PSG1: variants seen among roughly 807,000 people sequenced by gnomAD.
The protein encoded by PSG1 is pregnancy specific beta-1-glycoprotein 1.
Under a neutral mutation model 41.4 loss-of-function variants are expected in PSG1, and 60 were observed. The ratio of observed to expected loss-of-function variants is 1.45; its 90% CI spans 1.18 to 1.80. PSG1 has a LOEUF of 1.80. PSG1 is among the 40% of genes most tolerant of loss of function. The probability of loss-of-function intolerance (pLI) is 0.00; values close to 1 mark genes in which losing one functional copy is unlikely to be tolerated. For missense variants in PSG1, 806 were observed against 516.9 expected (o/e 1.56, Z -5.42); for synonymous variants, 256 against 192.9 (o/e 1.33, Z -2.71).
chr19:42,877,197 G>T (rs1427701702), intron 2 of PSG1, among the ~76,000 whole-genome samples: 2 of 151,570 alleles, frequency 1.3e-5, no homozygotes, highest in African/African-American at 4.9e-5. Context: ...CTGCTACCTG[G>T]TACATCTTCT....
chr19:42,874,148 A>AAAG (rs1382729606), intron 2 of PSG1: 90 of 151,856 alleles, frequency 5.9e-4, no homozygotes, highest in African/African-American at 2.1e-3. Flanking sequence ...CCACAGCTAC[A>AAAG]AAATTTAAAA....
intron 3 of PSG1, among the ~76,000 whole-genome samples, chr19:42,871,060 T>C (rs1050319160): frequency 6.6e-6 from 1 of 151,632 alleles, no homozygotes; most frequent in African/African-American, 2.4e-5. Context: ...GATAGCTAGA[T>C]AGACTTCACT....
intron 3 of PSG1, 42 bp from the exon 4 acceptor site, chr19:42,869,076 T>C (rs750278425): frequency 5.6e-6 from 9 of 1,595,844 alleles, no homozygotes; most frequent in Non-Finnish European, 7.7e-6. Flanking sequence ...TGTGGCACCT[T>C]TGATTCCTCC....
chr19:42,879,656 G>C lies in PSG1; in HGVS notation c.-75C>G. The C allele has an allele frequency of 6.3e-7, 1 of 1,578,716 alleles. No individual in the cohort carries two copies. On this transcript the variant is annotated 5_prime_UTR_variant, in exon 1 of 6. Transcript: ENST00000436291. ...AGAAACTCTCTGAGCACGGCTGTCA[G>C]CTGTGCTGTCCTTCCTCTTTCTGTG... is the stretch of plus-strand genomic sequence containing the variant.
At chr19:42,873,634 C>G (rs1176335420) in intron 2 of PSG1, among the ~76,000 whole-genome samples, 1 of 151,658 alleles carries the variant, frequency 6.6e-6, no homozygotes, top group Non-Finnish European at 1.5e-5. Context: ...CCAGCAGGAT[C>G]ACGTTATGCT....
At chr19:42,869,480 T>C (rs1456835219) in intron 3 of PSG1, 1 of 198,352 alleles carries the variant, frequency 5.0e-6, no homozygotes, top group Non-Finnish European at 1.0e-5. Context: ...AGATGAGTAA[T>C]AATGGGACTT....
chr19:42,870,497 A>G (rs1033487158), intron 3 of PSG1: 8 of 151,588 alleles, frequency 5.3e-5, no homozygotes, highest in Admixed American at 5.3e-4. Flanking sequence ...GGATGTGAGA[A>G]AGGCTGATTG....
intron 2 of PSG1, among the ~76,000 whole-genome samples, chr19:42,873,739 T>C (rs1370881532): frequency 1.3e-5 from 2 of 151,582 alleles, no homozygotes; most frequent in East Asian, 3.9e-4. Flanking sequence ...ATCAATTACA[T>C]AAAGGGAGAA....
intron 1 of PSG1, among the ~76,000 whole-genome samples, chr19:42,879,157 CTTT>C (rs58030325): frequency 7.2e-6 from 1 of 139,608 alleles, no homozygotes; most frequent in African/African-American, 2.7e-5. Context: ...TTTCTTTTTT[CTTT>C]TTTTTTTTTT....
chr19:42,872,336 T>G (rs185935938), intron 2 of PSG1, among the ~76,000 whole-genome samples: 1 of 151,574 alleles, frequency 6.6e-6, no homozygotes. Context: ...TGCCTCTGTG[T>G]GTCCCTCCGT....
intron 1 of PSG1, among the ~76,000 whole-genome samples, 180 bp downstream of exon 1, chr19:42,879,338 C>G (rs1269364472): frequency 3.3e-5 from 5 of 151,268 alleles, no homozygotes; most frequent in South Asian, 2.1e-4. Flanking sequence ...ATTTTCAGTA[C>G]AGACAGGGCT....
chr19:42,873,940 T>G (rs901523937), intron 2 of PSG1, among the ~76,000 whole-genome samples: 1 of 151,308 alleles, frequency 6.6e-6, no homozygotes, highest in African/African-American at 2.4e-5. Context: ...TTAGGAAGAG[T>G]CTAAGTGAGA....
chr19:42,878,666 C>T (rs1310213845), intron 1 of PSG1, among the ~76,000 whole-genome samples: 2 of 148,284 alleles, frequency 1.3e-5, no homozygotes, highest in African/African-American at 5.1e-5. Context: ...TGGGTCTTCC[C>T]TTTCTGACCT....
rs7254326 is a variant in PSG1 at position 42,878,491 on chromosome 19, G to A, written c.65-213C>T. The A allele has an allele frequency of 5.7e-4, 487 of 848,628 alleles. 9 individuals are homozygous for A. In the African/African-American group the frequency reaches 8.0e-3, roughly 14 times the overall value. 52.6% of individuals were successfully genotyped at this position (848,628 alleles called of 1,614,324 possible). On this transcript the variant is annotated intron_variant, in intron 1 of 5. Transcript: ENST00000436291. ...GTGTCCTACTGTCCTACTAGGTCAA[G>A]GTCAGCAGCATGACGCCCATTCCTT...
intron 2 of PSG1, among the ~76,000 whole-genome samples, chr19:42,875,273 C>A (rs150394714): frequency 1.6e-4 from 24 of 151,884 alleles, no homozygotes; most frequent in African/African-American, 5.8e-4. Flanking sequence ...AAAACTAACA[C>A]CCTTACTTTG....
rs115651701 is a variant in PSG1, at chr19:42,875,663, G to A, written c.430+2250C>T. On this transcript the variant is annotated intron_variant, in intron 2 of 5. Coordinates refer to ENST00000436291, the MANE Select transcript of PSG1 (RefSeq NM_001184825.2). Reference sequence around the variant, plus strand: ...GCAGTACTAATTTTTTAGTCCTGTGGCCCTGAAACTATCCTTGAAAATCTC... The same window carrying A: ...GCAGTACTAATTTTTTAGTCCTGTGACCCTGAAACTATCCTTGAAAATCTC... Among the ~76,000 whole-genome samples the A allele has an allele frequency of 4.3e-3, 650 of 151,234 alleles. 20 individuals carry two copies. The highest frequency in any genetic ancestry group is 0.015 in the African/African-American group (635 of 41,210).
In PSG1 at chr19:42,879,624, A is replaced by G. The variant is rs1320649065; in HGVS notation, c.-43T>C. On this transcript the variant is annotated 5_prime_UTR_variant, in exon 1 of 6. Transcript: ENST00000436291. ...TGTTCTCCTCTGTGGAGATAAGCCT[A>G]GGATCCAGAAACTCTCTGAGCACGG... 1.2e-6 allele frequency: 2 copies of G among 1,604,536 alleles called. No homozygotes were observed. The highest frequency in any genetic ancestry group is 2.7e-5 in the African/African-American group (2 of 74,370).
chr19:42,871,682 A>C, intron 3 of PSG1, 85 bp downstream of exon 3: 1 of 1,611,876 alleles, frequency 6.2e-7, no homozygotes, highest in Non-Finnish European at 8.5e-7. Flanking sequence ...TCTGTATTGG[A>C]CCTGAGAGGG....
chr19:42,874,671 T>G (rs1210328193), intron 2 of PSG1, among the ~76,000 whole-genome samples: 1 of 151,804 alleles, frequency 6.6e-6, no homozygotes, highest in Non-Finnish European at 1.5e-5. Context: ...AGTTGTTGCC[T>G]TTTGAGTTTG....
Sources: allele counts gnomAD v4.1 joint callset (sites outside exome capture counted in the v4.1 genomes callset), GRCh38; gene constraint gnomAD v4.1.1; transcripts MANE v1.5; gene names NCBI Gene and HGNC (gene_info 2026-07-23, HGNC 2026-07-21).